The following UBE2H variants were observed in gnomAD, a reference collection of about 807,000 sequenced individuals.
UBE2H encodes ubiquitin-conjugating enzyme E2 H.
Under a neutral mutation model 29.0 loss-of-function variants are expected in UBE2H, and 3 were observed. That is an observed-to-expected ratio of 0.10 (90% confidence interval 0.05 to 0.27). The LOEUF (loss-of-function observed/expected upper bound fraction) is 0.27, where lower values mean the gene tolerates loss of function less well. Among genes scored for constraint, UBE2H ranks in the 10% least tolerant of loss-of-function variants. The pLI is 1.00. For missense variants in UBE2H, 68 were observed against 228.2 expected (o/e 0.30, Z 4.52); for synonymous variants, 69 against 82.9 (o/e 0.83, Z 0.91).
chr7:129,909,577 C>A (rs867491479), intron 1 of UBE2H, among the ~76,000 whole-genome samples: 2 of 152,006 alleles, frequency 1.3e-5, no homozygotes, highest in Non-Finnish European at 2.9e-5. Flanking sequence ...AAAAATGGGC[C>A]GGGAGTGGTG....
At chr7:129,842,871 G>A (rs959615114) in intron 5 of UBE2H, among the ~76,000 whole-genome samples, 3 of 151,896 alleles carry the variant, frequency 2.0e-5, no homozygotes, top group African/African-American at 7.2e-5. Flanking sequence ...CCATTGCACC[G>A]CAGCCTGTGC....
chr7:129,866,053 G>A (rs1195002971), intron 3 of UBE2H, among the ~76,000 whole-genome samples: 1 of 152,276 alleles, frequency 6.6e-6, no homozygotes, highest in East Asian at 1.9e-4. Flanking sequence ...GGCCCCACCT[G>A]AGGCAGCCTG....
chr7:129,876,348 C>G (rs528715069), intron 3 of UBE2H, among the ~76,000 whole-genome samples: 3 of 152,192 alleles, frequency 2.0e-5, no homozygotes, highest in Admixed American at 6.5e-5. Context: ...TCTCCTAACT[C>G]CTACACAGTA....
At chr7:129,916,173 T>C (rs1464972) in intron 1 of UBE2H, among the ~76,000 whole-genome samples, 9,635 of 152,222 alleles carry the variant, frequency 0.063, 365 homozygotes, top group Non-Finnish European at 0.091. Context: ...TTCCAGGACT[T>C]TAACATCCTA....
intron 1 of UBE2H, among the ~76,000 whole-genome samples, chr7:129,899,989 G>A (rs1180993292): frequency 2.6e-5 from 4 of 152,018 alleles, no homozygotes; most frequent in African/African-American, 7.2e-5. Context: ...AACTAGCCAG[G>A]TGTGGTGGCA....
intron 6 of UBE2H, 92 bp from the exon 7 acceptor site, chr7:129,835,153 A>G: frequency 6.4e-7 from 1 of 1,569,784 alleles, no homozygotes; most frequent in African/African-American, 1.4e-5. Context: ...GCGGAGGTTC[A>G]AACTTACCTT....
intron 1 of UBE2H, among the ~76,000 whole-genome samples, chr7:129,914,342 A>G (rs1025429944): frequency 1.3e-5 from 2 of 151,808 alleles, no homozygotes; most frequent in African/African-American, 2.4e-5. Flanking sequence ...TAACTTTTGT[A>G]TTTTAGTAGA....
chr7:129,919,100 T>TAAAAA (rs1204331286), intron 1 of UBE2H, among the ~76,000 whole-genome samples: 13 of 72,134 alleles, frequency 1.8e-4, no homozygotes, highest in Non-Finnish European at 2.5e-4. Flanking sequence ...AAAAACAAAG[T>TAAAAA]AAAAAAAAAA....
At chr7:129,943,864 G>C (rs914299758) in intron 1 of UBE2H, among the ~76,000 whole-genome samples, 2 of 152,152 alleles carry the variant, frequency 1.3e-5, no homozygotes, top group Non-Finnish European at 2.9e-5. Context: ...CTGGGCGACA[G>C]AGCGAGACTG....
intron 3 of UBE2H, 70 bp downstream of exon 3, chr7:129,879,498 C>A: frequency 1.4e-6 from 2 of 1,429,428 alleles, no homozygotes; most frequent in Non-Finnish European, 2.0e-6. Flanking sequence ...AATTACCTCC[C>A]CTGAAATGTA....
At chr7:129,875,824 T>C (rs1015102162) in intron 3 of UBE2H, among the ~76,000 whole-genome samples, 2 of 152,186 alleles carry the variant, frequency 1.3e-5, no homozygotes, top group African/African-American at 2.4e-5. Context: ...GGCTAAAAAC[T>C]GTGAACCTCG....
chr7:129,873,663 C>T (rs989797096), intron 3 of UBE2H, among the ~76,000 whole-genome samples: 8 of 151,812 alleles, frequency 5.3e-5, no homozygotes, highest in Non-Finnish European at 8.8e-5. Context: ...GTCTCAAACC[C>T]CTTGTCTCCA....
At chr7:129,935,421 A>C (rs1807507911) in intron 1 of UBE2H, among the ~76,000 whole-genome samples, 1 of 151,868 alleles carries the variant, frequency 6.6e-6, no homozygotes, top group Non-Finnish European at 1.5e-5. Flanking sequence ...AAAGAAAAAA[A>C]AAAAAAAAAC....
chr7:129,854,221 T>A (rs747362095), intron 5 of UBE2H, among the ~76,000 whole-genome samples: 1 of 152,098 alleles, frequency 6.6e-6, no homozygotes, highest in Non-Finnish European at 1.5e-5. Context: ...CTAATAAAAA[T>A]TCAGTTCAGA....
In UBE2H at chr7:129,832,222, G is replaced by A. The variant is rs1805241327; in HGVS notation, c.*2715C>T. On this transcript the variant is annotated 3_prime_UTR_variant, in exon 7 of 7. Coordinates refer to ENST00000355621, the MANE Select transcript of UBE2H (RefSeq NM_003344.4). ...TACTCCCACCTCTCCCAGGCGCAGG[G>A]AGAGGACAAAAAGCATAAGGGACTC... The A allele has an allele frequency of 6.6e-6, 1 of 152,174 alleles. No homozygotes were observed. The highest frequency in any genetic ancestry group is 6.5e-5 in the Admixed American group (1 of 15,268). The allele number at this position is 152,174 out of a possible 1,614,324, so 9.4% of individuals were successfully genotyped here. A position where few individuals can be genotyped will look rare whatever the true frequency, so the allele number is the denominator to read the frequency against.
chr7:129,864,966 G>T (rs1341291051), intron 3 of UBE2H: 2 of 364,064 alleles, frequency 5.5e-6, no homozygotes, highest in East Asian at 1.5e-4. Flanking sequence ...CGTTAAAGGG[G>T]ATGGGGAGGA....
chr7:129,846,451 C>T (rs1353901715), intron 5 of UBE2H, among the ~76,000 whole-genome samples: 3 of 151,778 alleles, frequency 2.0e-5, no homozygotes, highest in African/African-American at 7.3e-5. Context: ...CAGTAGTTGC[C>T]GAGGTGAGAG....
chr7:129,876,603 T>C (rs1036102129), intron 3 of UBE2H, among the ~76,000 whole-genome samples: 8 of 152,210 alleles, frequency 5.3e-5, no homozygotes, highest in African/African-American at 1.7e-4. Flanking sequence ...CGTTTTTCCA[T>C]TCATCTTATT....
At chr7:129,946,219 ATTT>A (rs745714036) in intron 1 of UBE2H, among the ~76,000 whole-genome samples, 1 of 137,762 alleles carries the variant, frequency 7.3e-6, no homozygotes, top group African/African-American at 2.6e-5. Context: ...CGCCCGGCTA[ATTT>A]TTTTTTTTTT....
Sources: gnomAD v4.1 joint callset for allele counts (sites outside exome capture counted in the v4.1 genomes callset) on GRCh38, gnomAD v4.1.1 for gene constraint, MANE v1.5 for transcripts, NCBI Gene and HGNC (gene_info 2026-07-23, HGNC 2026-07-21) for gene names.